The following SMARCC1 variants were observed in gnomAD, a reference collection of about 807,000 sequenced individuals.
The protein encoded by SMARCC1 is SWI/SNF complex subunit SMARCC1.
SMARCC1 carries 43 observed loss-of-function variants against 147.4 expected under a neutral mutation model. The ratio of observed to expected loss-of-function variants is 0.29; its 90% CI spans 0.23 to 0.38. The LOEUF (loss-of-function observed/expected upper bound fraction) is 0.38, where lower values mean the gene tolerates loss of function less well. SMARCC1 is among the 10% of genes least tolerant of loss of function. The probability of loss-of-function intolerance (pLI) is 1.00; values close to 1 mark genes in which losing one functional copy is unlikely to be tolerated. For synonymous variants in SMARCC1, 495 were observed against 484.4 expected, an observed-to-expected ratio of 1.02 and a Z score of -0.29; for missense variants, 1,119 against 1,381.1, an observed-to-expected ratio of 0.81 and a Z score of 3.01.
At chr3:47,643,840 T>C (rs556572056) in intron 21 of SMARCC1, among the ~76,000 whole-genome samples, 1 of 152,206 alleles carries the variant, frequency 6.6e-6, no homozygotes, top group South Asian at 2.1e-4. Context: ...CACACTATAA[T>C]ACAATAATGA....
chr3:47,655,514 T>G (rs1391947203), intron 21 of SMARCC1, among the ~76,000 whole-genome samples: 2 of 151,892 alleles, frequency 1.3e-5, no homozygotes, highest in East Asian at 3.9e-4. Flanking sequence ...CTGGCCAATA[T>G]GGTGAAACCC....
At chr3:47,708,085 T>TTTTTTCC (rs71070215) in intron 9 of SMARCC1, among the ~76,000 whole-genome samples, 1 of 33,462 alleles carries the variant, frequency 3.0e-5, no homozygotes, top group Admixed American at 4.7e-4. Context: ...TTTTTTTTCT[T>TTTTTTCC]TTTTTTTTTT....
chr3:47,656,128 T>C (rs1007847345), intron 21 of SMARCC1, among the ~76,000 whole-genome samples: 1 of 151,980 alleles, frequency 6.6e-6, no homozygotes, highest in Non-Finnish European at 1.5e-5. Flanking sequence ...GGAGAAGCGC[T>C]TGAACCTGGG....
At chr3:47,712,555 T>C (rs1241995640) in intron 8 of SMARCC1, among the ~76,000 whole-genome samples, 3 of 152,104 alleles carry the variant, frequency 2.0e-5, no homozygotes, top group Admixed American at 2.0e-4. Flanking sequence ...ATGCTGAACA[T>C]CTTACACGTA....
chr3:47,638,716 A>G lies in SMARCC1; in HGVS notation c.2376+9T>C, dbSNP rs961912962. On this transcript the variant is annotated intron_variant, in intron 22 of 27. Transcript: ENST00000254480. ...TGCTATCTGTGGTTTTACTGCTGTG[A>G]GACTTTACCTTTTCAGGCTGCTGAC... is the stretch of plus-strand genomic sequence containing the variant. 6.2e-7 allele frequency: 1 copy of G among 1,610,438 alleles called. No homozygotes were observed. Among genetic ancestry groups the G allele is most frequent in the Non-Finnish European group, 8.5e-7 (1 of 1,176,594 alleles).
At chr3:47,701,998 T>C (rs533264017) in intron 10 of SMARCC1, among the ~76,000 whole-genome samples, 2 of 152,092 alleles carry the variant, frequency 1.3e-5, no homozygotes, top group South Asian at 4.1e-4. Flanking sequence ...TGTAATAAAA[T>C]AACAACTGCT....
Position 47,610,270 on chromosome 3 carries a change from G to A in SMARCC1, c.2839C>T (p.Leu947=), listed in dbSNP as rs1380568629. The A allele has an allele frequency of 1.2e-6, 2 of 1,614,220 alleles. No individual in the cohort carries two copies. The highest frequency in any genetic ancestry group is 2.2e-5 in the East Asian group (1 of 44,882). The change falls in exon 26 of 28, where the codon CTG becomes TTG. Residue 947 remains leucine (L), a synonymous_variant. Transcript: ENST00000254480. ...TERQNFHMEQ[L]KYAELRARQQ... ...CGTGCTCGTAATTCAGCATACTTCAGCTGTTCCATGTGGAAGTTTTGGCGT... is the reference window on the plus strand; with the variant it reads ...CGTGCTCGTAATTCAGCATACTTCAACTGTTCCATGTGGAAGTTTTGGCGT...
chr3:47,753,127 C>T (rs1237682063), intron 2 of SMARCC1, among the ~76,000 whole-genome samples: 1 of 151,962 alleles, frequency 6.6e-6, no homozygotes, highest in Non-Finnish European at 1.5e-5. Flanking sequence ...GGGCGGATCA[C>T]GAGGTGAGGA....
chr3:47,703,941 C>T lies in SMARCC1; in HGVS notation c.1040+2468G>A, dbSNP rs369316029. 4.6e-5 allele frequency among the ~76,000 whole-genome samples: 7 copies of T among 152,040 alleles called. No homozygotes were observed. The East Asian group carries it at 5.8e-4, about 13-fold the overall frequency. On this transcript the variant is annotated intron_variant, in intron 10 of 27. Transcript: ENST00000254480. ...CCTCTTGAGTAGCTGGGACTACAGG[C>T]GCCTGCCACCACACCCGGCTAATTT...
At chr3:47,695,926 GCGT>G (rs2033845311) in intron 11 of SMARCC1, among the ~76,000 whole-genome samples, 1 of 120,826 alleles carries the variant, frequency 8.3e-6, no homozygotes, top group Non-Finnish European at 1.7e-5. Flanking sequence ...AATCAGCCGG[GCGT>G]GGTGGTGCAT....
At chr3:47,741,720 A>G (rs760599659) in intron 3 of SMARCC1, among the ~76,000 whole-genome samples, 8 of 151,796 alleles carry the variant, frequency 5.3e-5, no homozygotes, top group Non-Finnish European at 1.0e-4. Flanking sequence ...CAGAGCTCTA[A>G]TTGCCTCCAG....
chr3:47,630,275 G>T (rs1315273700), intron 24 of SMARCC1, among the ~76,000 whole-genome samples: 1 of 152,142 alleles, frequency 6.6e-6, no homozygotes, highest in African/African-American at 2.4e-5. Flanking sequence ...TCCCTCGCAT[G>T]CACAGTTCAC....
intron 1 of SMARCC1, among the ~76,000 whole-genome samples, chr3:47,779,291 G>C (rs965780959): frequency 6.6e-6 from 1 of 152,168 alleles, no homozygotes; most frequent in Non-Finnish European, 1.5e-5. Context: ...CATGTTTACT[G>C]AGACTGAAAC....
intron 19 of SMARCC1, 96 bp from the exon 20 acceptor site, chr3:47,662,688 T>C (rs2033363340): frequency 2.1e-6 from 2 of 968,636 alleles, no homozygotes; most frequent in Non-Finnish European, 3.1e-6. Context: ...AAAAAATTAA[T>C]GCAAATATTT....
At chr3:47,678,877 C>T (rs1169798037) in intron 15 of SMARCC1, among the ~76,000 whole-genome samples, 1 of 152,194 alleles carries the variant, frequency 6.6e-6, no homozygotes, top group Non-Finnish European at 1.5e-5. Context: ...ACCTCTGCTG[C>T]CTATCACTTC....
chr3:47,717,457 T>C (rs2106805833), intron 7 of SMARCC1, among the ~76,000 whole-genome samples: 1 of 152,326 alleles, frequency 6.6e-6, no homozygotes, highest in African/African-American at 2.4e-5. Context: ...ATCAGAAAAG[T>C]ACTTAAATAT....
chr3:47,745,819 T>A, intron 3 of SMARCC1, 89 bp downstream of exon 3: 1 of 727,466 alleles, frequency 1.4e-6, no homozygotes, highest in Non-Finnish European at 2.2e-6. Flanking sequence ...TTAATCATCA[T>A]GTGCTTACAG....
chr3:47,593,418 C>T (rs1370056732), intron 26 of SMARCC1, among the ~76,000 whole-genome samples: 1 of 151,972 alleles, frequency 6.6e-6, no homozygotes, highest in Admixed American at 6.6e-5. Flanking sequence ...GTGATCTGCC[C>T]GCCTCGGCCG....
Position 47,722,401 on chromosome 3 carries a change from G to A in SMARCC1, c.647-1666C>T, listed in dbSNP as rs748585851. ...CAACCTCTGCCTCCCGGGTTCAAGTGATTTTCCTGCCTCAGCCTCCCAAGT... is the reference window on the plus strand; with the variant it reads ...CAACCTCTGCCTCCCGGGTTCAAGTAATTTTCCTGCCTCAGCCTCCCAAGT... On this transcript the variant is annotated intron_variant, in intron 6 of 27. Transcript: ENST00000254480. Among the ~76,000 whole-genome samples the A allele has an allele frequency of 4.8e-4, 71 of 148,960 alleles. 1 individual carries two copies. In the Middle Eastern group the frequency reaches 0.014, roughly 30 times the overall value.
Sources: gnomAD v4.1 joint callset for allele counts (sites outside exome capture counted in the v4.1 genomes callset) on GRCh38, gnomAD v4.1.1 for gene constraint, MANE v1.5 for transcripts, NCBI Gene and HGNC (gene_info 2026-07-23, HGNC 2026-07-21) for gene names.